Variants in TRPV3 observed in about 807,000 individuals in gnomAD.
TRPV3 encodes the protein VRL-3.
TRPV3 carries 88 observed loss-of-function variants against 87.1 expected under a neutral mutation model. That is an observed-to-expected ratio of 1.01 (90% CI 0.85 to 1.21). The LOEUF (loss-of-function observed/expected upper bound fraction) is 1.21. Ranked by LOEUF, TRPV3 falls within the 50% of genes most tolerant of loss-of-function variation. The pLI, the probability that TRPV3 is intolerant of heterozygous loss-of-function variation, is 0.00. For synonymous variants in TRPV3, 438 were observed against 423.3 expected (o/e 1.03, Z -0.43); for missense variants, 1,054 against 1,030.1 (o/e 1.02, Z -0.32).
intron 6 of TRPV3, among the ~76,000 whole-genome samples, chr17:3,539,381 C>T (rs745923130): frequency 6.6e-6 from 1 of 151,560 alleles, no homozygotes; most frequent in Non-Finnish European, 1.5e-5. Flanking sequence ...AGGCTGGGTG[C>T]GGTGGCTCAC....
intron 6 of TRPV3, among the ~76,000 whole-genome samples, chr17:3,536,627 G>A (rs2074411921): frequency 6.6e-6 from 1 of 152,106 alleles, no homozygotes; most frequent in African/African-American, 2.4e-5. Context: ...ATGAGGCCTG[G>A]ACTAAGGGGA....
chr17:3,542,965 C>A (rs73319022), intron 5 of TRPV3, among the ~76,000 whole-genome samples: 16,212 of 151,928 alleles, frequency 0.11, 2,610 homozygotes, highest in African/African-American at 0.35. Flanking sequence ...TGTCCACCCC[C>A]CTGCTGCCAC....
In TRPV3 at chr17:3,525,210, G is replaced by A. The variant is rs773855170; in HGVS notation, c.1578-847C>T. Reference sequence around the variant, plus strand: ...CATTTTTGTATTTTTAGTAGAGATGGGGTTTCACCATGTTGGCCAGGCTGG... The same window carrying A: ...CATTTTTGTATTTTTAGTAGAGATGAGGTTTCACCATGTTGGCCAGGCTGG... On this transcript the variant is annotated intron_variant, in intron 12 of 17. Coordinates refer to ENST00000576742, the MANE Select transcript of TRPV3 (RefSeq NM_145068.4). Among the ~76,000 whole-genome samples the A allele has an allele frequency of 2.0e-4, 30 of 152,272 alleles. No homozygotes were observed. The Middle Eastern group carries it at 0.01, about 52-fold the overall frequency.
Position 3,535,549 on chromosome 17 carries a change from G to A in TRPV3, c.784+24C>T, listed in dbSNP as rs368558268. On this transcript the variant is annotated intron_variant, in intron 7 of 17. Coordinates refer to ENST00000576742, the MANE Select transcript of TRPV3 (RefSeq NM_145068.4). The stretch of plus-strand genomic sequence containing the variant: ...TCCCTCCTCCCTCCTCCCAGACTCC[G>A]CACCGGGCGGGGGCGGCACCCACCG... The A allele has an allele frequency of 1.9e-4, 282 of 1,498,104 alleles. 2 individuals are homozygous for A. In the African/African-American group the frequency reaches 3.7e-3, roughly 20 times the overall value. 92.8% of individuals were successfully genotyped at this position (1,498,104 alleles called of 1,614,324 possible). A position where few individuals can be genotyped will look rare whatever the true frequency, so the allele number is the denominator to read the frequency against.
intron 12 of TRPV3, among the ~76,000 whole-genome samples, chr17:3,525,624 T>A (rs2074292759): frequency 6.6e-6 from 1 of 150,808 alleles, no homozygotes; most frequent in East Asian, 1.9e-4. Flanking sequence ...ACAATTAATT[T>A]TTTTTTTTTT....
intron 13 of TRPV3, among the ~76,000 whole-genome samples, chr17:3,523,364 T>C (rs112837598): frequency 0.053 from 8,001 of 152,266 alleles, 714 homozygotes; most frequent in African/African-American, 0.18. Flanking sequence ...CATTCATGTC[T>C]GATAGCACTC....
rs71153363 is a variant in TRPV3, at chr17:3,517,810, CTT to C, written c.2085+764_2085+765del. Among the ~76,000 whole-genome samples the C allele has an allele frequency of 6.5e-3, 734 of 113,132 alleles. 4 individuals carry two copies. Among genetic ancestry groups the C allele is most frequent in the African/African-American group, 0.012 (367 of 29,740 alleles). The allele number at this position is 113,132 out of a possible 152,430, so 74.2% of individuals were successfully genotyped here. ...GCTCACCTTTTTCCAATGAGCATTT[CTT>C]TTTTTTTTTTTTTTTCTATTTTTGA... On this transcript the variant is annotated intron_variant, in intron 15 of 17. Coordinates refer to ENST00000576742, the MANE Select transcript of TRPV3 (RefSeq NM_145068.4).
intron 15 of TRPV3, among the ~76,000 whole-genome samples, chr17:3,517,944 A>G (rs12940528): frequency 0.59 from 88,531 of 151,056 alleles, 26,759 homozygotes; most frequent in East Asian, 0.95. Context: ...TCAGCCTCCC[A>G]AGTAGCTGGG....
rs1299995395 is a variant in TRPV3 at position 3,530,843 on chromosome 17, G to C, written c.1066-640C>G. On this transcript the variant is annotated intron_variant, in intron 8 of 17. Transcript: ENST00000576742. The surrounding 1 kb of genome is among the most constrained non-coding windows in gnomAD (Gnocchi z 4.0). ...GGCCGAGGCGGGTGGATCATTTGAG[G>C]TCAGGAGTTCGAGACCAGCCTGGCC... is the stretch of plus-strand genomic sequence containing the variant. Among the ~76,000 whole-genome samples the C allele has an allele frequency of 6.6e-6, 1 of 152,082 alleles. No individual in the cohort carries two copies. Among genetic ancestry groups the C allele is most frequent in the East Asian group, 1.9e-4 (1 of 5,182 alleles).
At chr17:3,551,870 CTTTTTTTTTTTTTTT>C (rs747932928) in intron 2 of TRPV3, among the ~76,000 whole-genome samples, 5 of 43,360 alleles carry the variant, frequency 1.2e-4, no homozygotes, top group South Asian at 1.4e-3. Flanking sequence ...GTAATTTATT[CTTTTTTTTTTTTTTT>C]TTTTTTTTTT....
Position 3,512,636 on chromosome 17 carries a change from T to C in TRPV3, c.*1281A>G, listed in dbSNP as rs901893066. ...CGGCAGAGTGGATTTTCTGGTGGTT[T>C]CGGCCCCAGTCACCTGGAAAATCCT... On this transcript the variant is annotated 3_prime_UTR_variant, in exon 18 of 18. Coordinates refer to ENST00000576742, the MANE Select transcript of TRPV3 (RefSeq NM_145068.4). 2 of 152,154 alleles carry C rather than the reference T, an allele frequency of 1.3e-5. No homozygotes were observed. 9.4% of individuals were successfully genotyped at this position (152,154 alleles called of 1,614,324 possible).
intron 5 of TRPV3, among the ~76,000 whole-genome samples, chr17:3,542,912 T>C (rs1248464885): frequency 3.9e-5 from 6 of 151,960 alleles, no homozygotes; most frequent in Admixed American, 1.3e-4. Flanking sequence ...ATGGGTGACG[T>C]ATCTGAGGCC....
chr17:3,527,737 G>A lies in TRPV3; in HGVS notation c.1503+288C>T, dbSNP rs143103712. ...TGGCTGGGTCCATGAAAGAGGGCAGGTGATCGGATGGGTGGATGGGGGTGG... is the reference window on the plus strand; with the variant it reads ...TGGCTGGGTCCATGAAAGAGGGCAGATGATCGGATGGGTGGATGGGGGTGG... On this transcript the variant is annotated intron_variant, in intron 11 of 17. Coordinates refer to ENST00000576742, the MANE Select transcript of TRPV3 (RefSeq NM_145068.4). 35 of 447,548 alleles carry A rather than the reference G, an allele frequency of 7.8e-5. No individual in the cohort carries two copies. In the East Asian group the frequency reaches 1.4e-3, roughly 18 times the overall value. The allele number at this position is 447,548 out of a possible 1,614,324, so 27.7% of individuals were successfully genotyped here. A position where few individuals can be genotyped will look rare whatever the true frequency, so the allele number is the denominator to read the frequency against.
intron 2 of TRPV3, among the ~76,000 whole-genome samples, chr17:3,550,096 G>A (rs558036568): frequency 7.9e-5 from 12 of 152,228 alleles, no homozygotes; most frequent in African/African-American, 2.4e-4. Flanking sequence ...TAATTGGGAG[G>A]GTAGGATAGG....
chr17:3,510,805 T>TCA lies in TRPV3; in HGVS notation c.*3110_*3111dup, dbSNP rs1942354904. On this transcript the variant is annotated 3_prime_UTR_variant, in exon 18 of 18. Coordinates refer to ENST00000576742, the MANE Select transcript of TRPV3 (RefSeq NM_145068.4). ...CCTGGGCCCTGCCCAGAGCGAAAGG[T>TCA]CACAGGTCACCAGGCCTTGAGGAAG... The TCA allele has an allele frequency of 6.6e-6, 1 of 152,156 alleles. No individual in the cohort carries two copies. The highest frequency in any genetic ancestry group is 1.5e-5 in the Non-Finnish European group (1 of 68,032). 9.4% of individuals were successfully genotyped at this position (152,156 alleles called of 1,614,324 possible).
rs918754111 is a variant in TRPV3, at chr17:3,518,809, C to T, written c.1852G>A (p.Asp618Asn). The change falls in exon 15 of 18, where the codon GAC (aspartate) becomes AAC (asparagine). Residue 618 changes from aspartate (D) to asparagine (N), a missense_variant. Physicochemically the swap from Asp to Asn is conservative, Grantham distance 23. Coordinates refer to ENST00000576742, the MANE Select transcript of TRPV3 (RefSeq NM_145068.4). The surrounding 1 kb of genome is among the most constrained non-coding windows in gnomAD (Gnocchi z 4.3). ...LIEKCPKDNK[D>N]CSSYGSFSDA... Reference sequence around the variant, plus strand: ...CTGAAGCTGCCGTAGGAGCTGCAGTCCTTGTTGTCTTTGGGACACTTCTCG... The same window carrying T: ...CTGAAGCTGCCGTAGGAGCTGCAGTTCTTGTTGTCTTTGGGACACTTCTCG... 1 of 1,614,130 alleles carries T rather than the reference C, an allele frequency of 6.2e-7. No individual in the cohort carries two copies. The highest frequency in any genetic ancestry group is 1.1e-5 in the South Asian group (1 of 91,070).
At chr17:3,536,159 G>A (rs1377564188) in intron 6 of TRPV3, among the ~76,000 whole-genome samples, 1 of 152,208 alleles carries the variant, frequency 6.6e-6, no homozygotes, top group Admixed American at 6.5e-5. Flanking sequence ...ATCAGCCAGG[G>A]CAAGAGGGCA....
rs1000235126 is a variant in TRPV3 at position 3,510,976 on chromosome 17, T to A, written c.*2941A>T. 1 of 152,354 alleles carries A rather than the reference T, an allele frequency of 6.6e-6. No homozygotes were observed. The highest frequency in any genetic ancestry group is 2.1e-4 in the South Asian group (1 of 4,832). 9.4% of individuals were successfully genotyped at this position (152,354 alleles called of 1,614,324 possible). On this transcript the variant is annotated 3_prime_UTR_variant, in exon 18 of 18. Transcript: ENST00000576742. ...TATTCCTAACAGATATATCACATAA[T>A]GTCTAGAATAATGAATTCTTCCTGA...
rs765489894 is a variant in TRPV3 at position 3,543,460 on chromosome 17, G to A, written c.466+14C>T. The A allele has an allele frequency of 1.2e-6, 2 of 1,611,812 alleles. No individual in the cohort carries two copies. Among genetic ancestry groups the A allele is most frequent in the South Asian group, 1.1e-5 (1 of 91,068 alleles). Reference sequence around the variant, plus strand: ...CCCCCAGCCCTGCACCCTCTGCCAGGCTCAGACACTCACCAGGCACATCCT... The same window carrying A: ...CCCCCAGCCCTGCACCCTCTGCCAGACTCAGACACTCACCAGGCACATCCT... On this transcript the variant is annotated intron_variant, in intron 5 of 17. Transcript: ENST00000576742.
Sources: allele counts gnomAD v4.1 joint callset (sites outside exome capture counted in the v4.1 genomes callset), GRCh38; gene constraint gnomAD v4.1.1; non-coding constraint Gnocchi (gnomAD v3.1); transcripts MANE v1.5; gene names NCBI Gene and HGNC (gene_info 2026-07-23, HGNC 2026-07-21).